Variants in ATG7 observed in about 807,000 individuals in gnomAD.
ATG7 encodes autophagy related 7, also known as ubiquitin-like modifier-activating enzyme ATG7.
ATG7 carries 70 observed loss-of-function variants against 82.4 expected under a neutral mutation model. The observed-to-expected ratio is 0.85, with a 90% CI of 0.70 to 1.04. ATG7 has a LOEUF of 1.04. ATG7 is among the 50% of genes least tolerant of loss of function. The pLI is 0.00. For synonymous variants in ATG7, 287 were observed against 313.0 expected (o/e 0.92, Z 0.88); for missense variants, 792 against 864.3 (o/e 0.92, Z 1.05).
intron 19 of ATG7, among the ~76,000 whole-genome samples, chr3:11,398,077 C>CT (rs1338625850): frequency 6.9e-6 from 1 of 145,084 alleles, no homozygotes; most frequent in Admixed American, 6.8e-5. Context: ...GAGCAAGACT[C>CT]TGTCTCCAAA....
the ATG7 span, among the ~76,000 whole-genome samples, chr3:11,573,345 A>G: frequency 2.1e-3 from 212 of 102,426 alleles, 2 homozygotes; most frequent in East Asian, 5.0e-3. Flanking sequence ...GAAAGAAAGA[A>G]AGAAAGAAAG....
At chr3:11,493,467 C>A (rs1370143069) in intron 20 of ATG7, among the ~76,000 whole-genome samples, 1 of 152,162 alleles carries the variant, frequency 6.6e-6, no homozygotes, top group East Asian at 1.9e-4. Flanking sequence ...AGAGAGCAGG[C>A]AAACAGGAGA....
chr3:11,456,852 C>T (rs987807317), intron 20 of ATG7, among the ~76,000 whole-genome samples: 4 of 152,202 alleles, frequency 2.6e-5, no homozygotes, highest in Non-Finnish European at 4.4e-5. Flanking sequence ...TGCTTGTCCT[C>T]TCTGAGGCCC....
chr3:11,379,595 C>T (rs2077715972), intron 18 of ATG7, among the ~76,000 whole-genome samples: 2 of 152,196 alleles, frequency 1.3e-5, no homozygotes, highest in African/African-American at 2.4e-5. Context: ...ACCCCATATT[C>T]ACTAGAACAC....
At chr3:11,342,069 G>T in intron 12 of ATG7, 66 bp from the exon 13 acceptor site, 1 of 1,474,952 alleles carries the variant, frequency 6.8e-7, no homozygotes, top group Admixed American at 2.4e-5. Context: ...ATAGCCACTT[G>T]AAATCTTTCA....
At chr3:11,298,876 T>C (rs747277560) in intron 4 of ATG7, 21 bp downstream of exon 4, 2 of 1,613,210 alleles carry the variant, frequency 1.2e-6, no homozygotes, top group South Asian at 2.2e-5. Flanking sequence ...GTAAATTTCA[T>C]TTTCCATCAT....
intron 19 of ATG7, among the ~76,000 whole-genome samples, chr3:11,421,173 G>A (rs1454977990): frequency 6.6e-6 from 1 of 152,184 alleles, no homozygotes; most frequent in African/African-American, 2.4e-5. Context: ...GATCAGGGTG[G>A]TAGTTGCCAA....
intron 20 of ATG7, among the ~76,000 whole-genome samples, chr3:11,433,643 C>A (rs1321923708): frequency 6.6e-6 from 1 of 152,184 alleles, no homozygotes; most frequent in East Asian, 1.9e-4. Flanking sequence ...CATTCCTATT[C>A]ATGAAAGTTT....
chr3:11,505,142 T>C (rs942592117), intron 20 of ATG7, among the ~76,000 whole-genome samples: 8 of 152,240 alleles, frequency 5.3e-5, no homozygotes, highest in African/African-American at 1.9e-4. Context: ...CTTGGAATTA[T>C]TTGGCTCTTT....
intron 20 of ATG7, among the ~76,000 whole-genome samples, chr3:11,464,301 G>A (rs2086624269): frequency 6.6e-6 from 1 of 152,200 alleles, no homozygotes; most frequent in African/African-American, 2.4e-5. Context: ...GAACCCAAGA[G>A]GTCGAGACTG....
At chr3:11,424,975 C>CTT (rs11457529) in intron 19 of ATG7, among the ~76,000 whole-genome samples, 7 of 151,468 alleles carry the variant, frequency 4.6e-5, no homozygotes, top group East Asian at 3.9e-4. Flanking sequence ...CAAAATATCC[C>CTT]TTTTTTTTGT....
chr3:11,338,293 T>C (rs1379241984), intron 11 of ATG7, among the ~76,000 whole-genome samples: 1 of 152,160 alleles, frequency 6.6e-6, no homozygotes, highest in Non-Finnish European at 1.5e-5. Flanking sequence ...GATCTCGTTC[T>C]TTTTTTATGG....
intron 7 of ATG7, among the ~76,000 whole-genome samples, chr3:11,311,135 T>C (rs1948600132): frequency 6.6e-6 from 1 of 152,182 alleles, no homozygotes; most frequent in Non-Finnish European, 1.5e-5. Flanking sequence ...TGCTGCCTTG[T>C]TTACTGAGCA....
At chr3:11,535,335 C>T (rs2092770027) in intron 20 of ATG7, among the ~76,000 whole-genome samples, 1 of 152,208 alleles carries the variant, frequency 6.6e-6, no homozygotes, top group South Asian at 2.1e-4. Context: ...AAGGCCATCT[C>T]GTGTTACTCA....
At chr3:11,505,303 A>ATTTC (rs1559767171) in intron 20 of ATG7, among the ~76,000 whole-genome samples, 1 of 152,206 alleles carries the variant, frequency 6.6e-6, no homozygotes, top group Non-Finnish European at 1.5e-5. Flanking sequence ...AGAGAAAAGA[A>ATTTC]GACTAGCGGT....
In ATG7 at chr3:11,383,728, G is replaced by A. The variant is rs562428870; in HGVS notation, c.1956+3676G>A. Among the ~76,000 whole-genome samples the A allele has an allele frequency of 3.2e-3, 483 of 152,290 alleles. 1 individual carries two copies. The highest frequency in any genetic ancestry group is 0.011 in the African/African-American group (458 of 41,556). Reference sequence around the variant, plus strand: ...CTCCCAAAGTGCTGAGATTACAGGCGTGAGCCACCGCATCCAGCCGTATCC... The same window carrying A: ...CTCCCAAAGTGCTGAGATTACAGGCATGAGCCACCGCATCCAGCCGTATCC... On this transcript the variant is annotated intron_variant, in intron 19 of 20. Coordinates refer to ENST00000693202, the MANE Select transcript of ATG7 (RefSeq NM_001349232.2).
chr3:11,392,472 A>AAAC (rs1339982730), intron 19 of ATG7, among the ~76,000 whole-genome samples: 1 of 135,706 alleles, frequency 7.4e-6, no homozygotes, highest in African/African-American at 2.6e-5. Flanking sequence ...AAAAACAAAC[A>AAAC]AAAAAAACAA....
intron 20 of ATG7, among the ~76,000 whole-genome samples, chr3:11,521,186 C>T (rs2092431583): frequency 6.6e-6 from 1 of 151,490 alleles, no homozygotes; most frequent in African/African-American, 2.5e-5. Flanking sequence ...GAGCCCTAGG[C>T]AGCCATTGGT....
At position 11,444,420 on chromosome 3, in the gene ATG7, G is replaced by A. The variant is rs79170563; in HGVS notation, c.2079+17494G>A. Among the ~76,000 whole-genome samples the A allele has an allele frequency of 3.0e-3, 452 of 152,294 alleles. 4 individuals carry two copies. The highest frequency in any genetic ancestry group is 0.01 in the African/African-American group (429 of 41,542). ...GTCAGATAGGGCTGAGCTTTGGAGA[G>A]CCACTAAACACTGTCATATCTAAGA... On this transcript the variant is annotated intron_variant, in intron 20 of 20. Transcript: ENST00000693202.
Sources: gnomAD v4.1 joint callset for allele counts (sites outside exome capture counted in the v4.1 genomes callset) on GRCh38, gnomAD v4.1.1 for gene constraint, MANE v1.5 for transcripts, NCBI Gene and HGNC (gene_info 2026-07-23, HGNC 2026-07-21) for gene names.